ADAMTS2: variants seen among roughly 807,000 people sequenced by gnomAD.
The protein encoded by ADAMTS2 is A disintegrin and metalloproteinase with thrombospondin motifs 2.
A neutral mutation model predicts 123.0 loss-of-function variants in ADAMTS2; 50 were observed. The observed-to-expected ratio is 0.41, with a 90% CI of 0.32 to 0.51. The LOEUF is 0.51. Among genes scored for constraint, ADAMTS2 ranks in the 20% least tolerant of loss-of-function variants. The pLI is 0.35. For missense variants in ADAMTS2, 1,494 were observed against 1,705.2 expected (o/e 0.88, Z 2.18); for synonymous variants, 678 against 695.4 (o/e 0.98, Z 0.39).
rs369247778 is a variant in ADAMTS2 at position 179,132,922 on chromosome 5, A to C, written c.2086-22T>G. ...CCTTCTGTTGGGGGAGGAGGCAGTG[A>C]GCACTTGAGACGTCCTGCTAGTAGA... is the stretch of plus-strand genomic sequence containing the variant. On this transcript the variant is annotated intron_variant, in intron 13 of 21. Coordinates refer to ENST00000251582, the MANE Select transcript of ADAMTS2 (RefSeq NM_014244.5). This position sits in a 1 kb window ranked among gnomAD's most constrained non-coding sequence, Gnocchi z 6.1. The C allele has an allele frequency of 1.2e-4, 190 of 1,612,394 alleles. No homozygotes were observed. The highest frequency in any genetic ancestry group is 9.9e-4 in the Middle Eastern group (6 of 6,058).
chr5:179,227,044 G>T (rs981668355), intron 3 of ADAMTS2, among the ~76,000 whole-genome samples: 2 of 152,106 alleles, frequency 1.3e-5, no homozygotes, highest in African/African-American at 4.8e-5. Flanking sequence ...TCAGAAAAAC[G>T]AAAACACAGT....
chr5:179,192,998 G>A (rs1442630173), intron 4 of ADAMTS2, among the ~76,000 whole-genome samples: 1 of 152,172 alleles, frequency 6.6e-6, no homozygotes, highest in East Asian at 1.9e-4. Flanking sequence ...GGGTGGCCGA[G>A]GGCTGGCACC....
At chr5:179,334,697 C>T (rs1008810409) in intron 2 of ADAMTS2, among the ~76,000 whole-genome samples, 17 of 152,112 alleles carry the variant, frequency 1.1e-4, no homozygotes, top group Admixed American at 2.0e-4. Flanking sequence ...ACCTAGAAAA[C>T]CCAAGGGACT....
intron 4 of ADAMTS2, among the ~76,000 whole-genome samples, chr5:179,201,812 A>C (rs1444620791): frequency 6.6e-6 from 1 of 152,048 alleles, no homozygotes; most frequent in Non-Finnish European, 1.5e-5. Context: ...ACAATAAATA[A>C]ATAAATAAAA....
At chr5:179,283,025 C>T (rs1259198737) in intron 2 of ADAMTS2, among the ~76,000 whole-genome samples, 2 of 152,050 alleles carry the variant, frequency 1.3e-5, no homozygotes, top group African/African-American at 4.8e-5. Context: ...AGAATGCCCT[C>T]GAGAGCGTCT....
Position 179,181,227 on chromosome 5 carries a change from AC to A in ADAMTS2, c.892-73del, listed in dbSNP as rs967229021. The stretch of plus-strand genomic sequence containing the variant: ...TGGCTCTGGCTCTGCCAATGGGATG[AC>A]CCCCACCTGCTCCTTCTTCTTCCCA... On this transcript the variant is annotated intron_variant, in intron 4 of 21. Transcript: ENST00000251582. The surrounding 1 kb of genome is among the most constrained non-coding windows in gnomAD (Gnocchi z 4.1). 7 of 1,079,050 alleles carry A rather than the reference AC, an allele frequency of 6.5e-6. No individual in the cohort carries two copies. The highest frequency in any genetic ancestry group is 1.3e-5 in the South Asian group (1 of 79,840). The allele number at this position is 1,079,050 out of a possible 1,614,324, so 66.8% of individuals were successfully genotyped here. A position where few individuals can be genotyped will look rare whatever the true frequency, so the allele number is the denominator to read the frequency against.
intron 3 of ADAMTS2, among the ~76,000 whole-genome samples, chr5:179,271,328 A>G (rs1212957601): frequency 6.6e-6 from 1 of 152,142 alleles, no homozygotes; most frequent in East Asian, 1.9e-4. Context: ...ACCTCGCCTG[A>G]GCAGAGGCCC....
At chr5:179,269,659 A>C (rs1254534735) in intron 3 of ADAMTS2, among the ~76,000 whole-genome samples, 1 of 152,124 alleles carries the variant, frequency 6.6e-6, no homozygotes, top group Admixed American at 6.5e-5. Flanking sequence ...AACCATATCA[A>C]TGTTCCTATT....
In ADAMTS2 at chr5:179,181,416, G is replaced by T. The variant is rs755211521; in HGVS notation, c.892-261C>A. On this transcript the variant is annotated intron_variant, in intron 4 of 21. Coordinates refer to ENST00000251582, the MANE Select transcript of ADAMTS2 (RefSeq NM_014244.5). This position sits in a 1 kb window ranked among gnomAD's most constrained non-coding sequence, Gnocchi z 4.1. ...ACCAGCCCAGGGTTTCCTCACCTGGGGCCTGAACATGGAACGTGGGCAGGG... is the reference window on the plus strand; with the variant it reads ...ACCAGCCCAGGGTTTCCTCACCTGGTGCCTGAACATGGAACGTGGGCAGGG... Among the ~76,000 whole-genome samples, 30 of 152,080 alleles carry T rather than the reference G, an allele frequency of 2.0e-4. No individual in the cohort carries two copies. The highest frequency in any genetic ancestry group is 4.3e-4 in the Non-Finnish European group (29 of 68,024).
chr5:179,342,506 G>A (rs1257422117), intron 2 of ADAMTS2, among the ~76,000 whole-genome samples: 1 of 152,248 alleles, frequency 6.6e-6, no homozygotes, highest in Admixed American at 6.5e-5. Flanking sequence ...GATATTTTCT[G>A]TGTCTCCATA....
intron 2 of ADAMTS2, among the ~76,000 whole-genome samples, chr5:179,273,918 C>T (rs6884226): frequency 0.037 from 5,626 of 152,152 alleles, 313 homozygotes; most frequent in African/African-American, 0.12. Flanking sequence ...CCACCCCATG[C>T]TTCTCACTGG....
chr5:179,184,466 G>A (rs1198191228), intron 4 of ADAMTS2, among the ~76,000 whole-genome samples: 3 of 148,154 alleles, frequency 2.0e-5, no homozygotes, highest in South Asian at 2.1e-4. Context: ...AGCCGAGATC[G>A]CGTCATTGCA....
At chr5:179,268,147 A>C (rs1561660242) in intron 3 of ADAMTS2, among the ~76,000 whole-genome samples, 1 of 152,004 alleles carries the variant, frequency 6.6e-6, no homozygotes, top group African/African-American at 2.4e-5. Flanking sequence ...CACCAGACCC[A>C]ACTTCTACCA....
At position 179,257,755 on chromosome 5, in the gene ADAMTS2, C is replaced by T. The variant is rs118123035; in HGVS notation, c.688+15156G>A. Reference sequence around the variant, plus strand: ...CAGCCCTGGCCACATCCAAGAAGCTCGGTCCTGAGCGCCGTGGGCTCCAGT... The same window carrying T: ...CAGCCCTGGCCACATCCAAGAAGCTTGGTCCTGAGCGCCGTGGGCTCCAGT... On this transcript the variant is annotated intron_variant, in intron 3 of 21. Coordinates refer to ENST00000251582, the MANE Select transcript of ADAMTS2 (RefSeq NM_014244.5). Among the ~76,000 whole-genome samples, 255 of 152,338 alleles carry T rather than the reference C, an allele frequency of 1.7e-3. 2 individuals are homozygous for T. The East Asian group carries it at 0.043, about 26-fold the overall frequency.
intron 11 of ADAMTS2, among the ~76,000 whole-genome samples, chr5:179,139,549 G>T (rs536614791): frequency 3.3e-5 from 5 of 152,164 alleles, no homozygotes; most frequent in Middle Eastern, 3.4e-3. Flanking sequence ...GCATCGGGGG[G>T]GCTGAGAGAC....
chr5:179,210,609 T>C (rs1336471038), intron 3 of ADAMTS2, among the ~76,000 whole-genome samples: 3 of 152,226 alleles, frequency 2.0e-5, no homozygotes, highest in Non-Finnish European at 4.4e-5. Flanking sequence ...GACAGGGGCC[T>C]GGGCCACCTG....
In ADAMTS2 at chr5:179,202,772, G is replaced by A. The variant is rs753545880; in HGVS notation, c.891+4741C>T. ...GTGGGTCGGGAGGGCCCGAGCCTAT[G>A]TTGCAGCTGTACCTACTGGGACACA... On this transcript the variant is annotated intron_variant, in intron 4 of 21. Transcript: ENST00000251582. The surrounding 1 kb of genome is among the most constrained non-coding windows in gnomAD (Gnocchi z 4.0). Among the ~76,000 whole-genome samples, 37 of 152,316 alleles carry A rather than the reference G, an allele frequency of 2.4e-4. No homozygotes were observed. Among genetic ancestry groups the A allele is most frequent in the Non-Finnish European group, 4.0e-4 (27 of 68,014 alleles).
At position 179,129,071 on chromosome 5, in the gene ADAMTS2, G is replaced by A. The variant is rs148603209; in HGVS notation, c.2457+861C>T. ...ACACTTCACCACTCTGTGCGTGTCC[G>A]TTTGGGGCTCACGAATCAATTTTAG... On this transcript the variant is annotated intron_variant, in intron 16 of 21. Transcript: ENST00000251582. This position sits in a 1 kb window ranked among gnomAD's most constrained non-coding sequence, Gnocchi z 4.1. Among the ~76,000 whole-genome samples, 139 of 152,294 alleles carry A rather than the reference G, an allele frequency of 9.1e-4. No homozygotes were observed. Among genetic ancestry groups the A allele is most frequent in the African/African-American group, 3.1e-3 (130 of 41,564 alleles).
intron 3 of ADAMTS2, among the ~76,000 whole-genome samples, chr5:179,249,893 A>G (rs1765880512): frequency 6.6e-6 from 1 of 152,228 alleles, no homozygotes; most frequent in Admixed American, 6.5e-5. Context: ...ACATCATAAG[A>G]AAACTACAGA....
Sources: allele counts gnomAD v4.1 joint callset (sites outside exome capture counted in the v4.1 genomes callset), GRCh38; gene constraint gnomAD v4.1.1; non-coding constraint Gnocchi (gnomAD v3.1); transcripts MANE v1.5; gene names NCBI Gene and HGNC (gene_info 2026-07-23, HGNC 2026-07-21).